GRM7: variants seen among roughly 807,000 people sequenced by gnomAD.
GRM7 encodes the protein glutamate metabotropic receptor 7.
A neutral mutation model predicts 84.5 loss-of-function variants in GRM7; 35 were observed. The observed-to-expected ratio is 0.41, with a 90% CI of 0.32 to 0.55. The LOEUF is 0.55. GRM7 is among the 20% of genes least tolerant of loss of function. The probability of loss-of-function intolerance (pLI) is 0.19; values close to 1 mark genes in which losing one functional copy is unlikely to be tolerated. For synonymous variants in GRM7, 487 were observed against 455.1 expected, an observed-to-expected ratio of 1.07 and a Z score of -0.89; for missense variants, 1,003 against 1,194.6, an observed-to-expected ratio of 0.84 and a Z score of 2.36.
intron 7 of GRM7, among the ~76,000 whole-genome samples, chr3:7,493,446 C>T (rs1699594642): frequency 6.6e-6 from 1 of 151,534 alleles, no homozygotes; most frequent in Non-Finnish European, 1.5e-5. Flanking sequence ...TAGTAATTGC[C>T]TTTGCTCTGA....
chr3:7,203,319 C>G (rs981251791), intron 2 of GRM7, among the ~76,000 whole-genome samples: 1 of 152,174 alleles, frequency 6.6e-6, no homozygotes, highest in Non-Finnish European at 1.5e-5. Context: ...ATTTGTCTTT[C>G]TGTATCTGGC....
At chr3:7,267,895 AT>A (rs1559540508) in intron 2 of GRM7, among the ~76,000 whole-genome samples, 1 of 150,016 alleles carries the variant, frequency 6.7e-6, no homozygotes, top group African/African-American at 2.4e-5. Flanking sequence ...GTCAAATTCT[AT>A]GTTTTTTTTC....
chr3:6,941,342 A>T (rs142089074), intron 1 of GRM7, among the ~76,000 whole-genome samples: 1 of 152,164 alleles, frequency 6.6e-6, no homozygotes, highest in African/African-American at 2.4e-5. Flanking sequence ...CTGAACCTGA[A>T]GTCTTTGGGA....
chr3:7,552,569 C>G (rs373554126), intron 7 of GRM7, among the ~76,000 whole-genome samples: 70 of 152,330 alleles, frequency 4.6e-4, no homozygotes, highest in African/African-American at 1.6e-3. Flanking sequence ...CCTCTGAAAT[C>G]TAGATGGAGG....
At chr3:7,383,279 TGG>T (rs1694659740) in intron 4 of GRM7, among the ~76,000 whole-genome samples, 1 of 152,206 alleles carries the variant, frequency 6.6e-6, no homozygotes, top group Non-Finnish European at 1.5e-5. Flanking sequence ...GACTATTGAG[TGG>T]GTACCTGTGT....
intron 9 of GRM7, among the ~76,000 whole-genome samples, chr3:7,687,403 A>T (rs1700626825): frequency 6.6e-6 from 1 of 152,214 alleles, no homozygotes; most frequent in African/African-American, 2.4e-5. Context: ...ACGACAGTGG[A>T]AAACAACACT....
intron 1 of GRM7, among the ~76,000 whole-genome samples, chr3:6,980,092 A>G (rs1694140891): frequency 6.6e-6 from 1 of 152,142 alleles, no homozygotes; most frequent in African/African-American, 2.4e-5. Flanking sequence ...TTAGAAAGGC[A>G]TATATTTTTC....
chr3:6,919,616 C>G (rs1697057110), intron 1 of GRM7, among the ~76,000 whole-genome samples: 1 of 150,274 alleles, frequency 6.7e-6, no homozygotes, highest in African/African-American at 2.4e-5. Flanking sequence ...TCCTCTGCAG[C>G]CAGGCAAAAC....
chr3:7,614,432 T>C (rs1473552004), intron 8 of GRM7, among the ~76,000 whole-genome samples: 1 of 152,128 alleles, frequency 6.6e-6, no homozygotes, highest in East Asian at 1.9e-4. Context: ...ATCTTCAATC[T>C]TGGCCCATTC....
intron 4 of GRM7, among the ~76,000 whole-genome samples, chr3:7,343,956 G>A (rs529611479): frequency 1.3e-5 from 2 of 152,260 alleles, no homozygotes; most frequent in South Asian, 4.1e-4. Flanking sequence ...GTAGCGGCTA[G>A]AGCTAAAAGG....
intron 1 of GRM7, among the ~76,000 whole-genome samples, chr3:7,062,121 T>A (rs1311905289): frequency 6.6e-6 from 1 of 151,498 alleles, no homozygotes; most frequent in African/African-American, 2.4e-5. Flanking sequence ...GTTAAAAAAA[T>A]TTCAAGAAAA....
At chr3:7,350,702 G>A (rs1477365764) in intron 4 of GRM7, among the ~76,000 whole-genome samples, 1 of 152,026 alleles carries the variant, frequency 6.6e-6, no homozygotes, top group African/African-American at 2.4e-5. Context: ...TATTACTTTG[G>A]ATCTTTTTTT....
chr3:6,869,229 A>G (rs574606762), intron 1 of GRM7, among the ~76,000 whole-genome samples: 11 of 152,160 alleles, frequency 7.2e-5, no homozygotes, highest in Non-Finnish European at 1.3e-4. Context: ...CACACACTCC[A>G]CTTACTGCCT....
At chr3:7,278,342 A>G (rs1699143760) in intron 2 of GRM7, among the ~76,000 whole-genome samples, 1 of 151,998 alleles carries the variant, frequency 6.6e-6, no homozygotes, top group African/African-American at 2.4e-5. Context: ...GAAAACCCAA[A>G]CTCTAGAATC....
At chr3:7,204,310 T>C (rs1186020176) in intron 2 of GRM7, among the ~76,000 whole-genome samples, 1 of 152,232 alleles carries the variant, frequency 6.6e-6, no homozygotes, top group Non-Finnish European at 1.5e-5. Context: ...TCTTAGGAAC[T>C]GAGATTATCT....
chr3:7,113,815 C>T (rs1692940901), intron 1 of GRM7, among the ~76,000 whole-genome samples: 1 of 152,112 alleles, frequency 6.6e-6, no homozygotes, highest in African/African-American at 2.4e-5. Context: ...GTATGGTTTT[C>T]TATGGCCGAA....
chr3:7,678,697 A>G (rs1700237255), intron 8 of GRM7, among the ~76,000 whole-genome samples: 1 of 152,224 alleles, frequency 6.6e-6, no homozygotes, highest in African/African-American at 2.4e-5. Context: ...AACCGTTTGG[A>G]GACATACATA....
At chr3:7,643,376 G>C (rs948296048) in intron 8 of GRM7, among the ~76,000 whole-genome samples, 7 of 152,112 alleles carry the variant, frequency 4.6e-5, no homozygotes, top group African/African-American at 1.7e-4. Flanking sequence ...GGCACAGTGG[G>C]ACTCTGGAAA....
At chr3:7,285,100 CAGT>C (rs1295615006) in intron 2 of GRM7, among the ~76,000 whole-genome samples, 1 of 152,026 alleles carries the variant, frequency 6.6e-6, no homozygotes, top group East Asian at 1.9e-4. Flanking sequence ...TTGTCAAGGG[CAGT>C]TGGCAGATTT....
Sources: allele counts gnomAD v4.1 joint callset (sites outside exome capture counted in the v4.1 genomes callset), GRCh38; gene constraint gnomAD v4.1.1; transcripts MANE v1.5; gene names NCBI Gene and HGNC (gene_info 2026-07-23, HGNC 2026-07-21).